SGF29: variants seen among roughly 807,000 people sequenced by gnomAD.
SGF29 encodes the protein SAGA complex associated factor 29.
A neutral mutation model predicts 38.1 loss-of-function variants in SGF29; 15 were observed. The observed-to-expected ratio is 0.39, with a 90% CI of 0.26 to 0.61. The LOEUF is 0.61. Ranked by LOEUF, SGF29 falls within the 20% of genes least tolerant of loss-of-function variation. The probability of loss-of-function intolerance (pLI) is 0.49; values close to 1 mark genes in which losing one functional copy is unlikely to be tolerated. For missense variants in SGF29, 184 were observed against 394.6 expected (o/e 0.47, Z 4.52); for synonymous variants, 151 against 160.8 (o/e 0.94, Z 0.46).
intron 4 of SGF29, 98 bp downstream of exon 4, chr16:28,585,818 T>G (rs899641355): frequency 1.8e-6 from 2 of 1,138,216 alleles, no homozygotes; most frequent in Non-Finnish European, 2.7e-6. Context: ...CTTCCTCCCA[T>G]GGATAAGCTG....
intron 1 of SGF29, among the ~76,000 whole-genome samples, chr16:28,578,987 G>C (rs1412263925): frequency 6.6e-6 from 1 of 151,994 alleles, no homozygotes; most frequent in African/African-American, 2.4e-5. Context: ...GGGTCTTGCT[G>C]TATTGTCCAG....
At chr16:28,579,614 T>C (rs2046914008) in intron 1 of SGF29, among the ~76,000 whole-genome samples, 1 of 151,884 alleles carries the variant, frequency 6.6e-6, no homozygotes, top group African/African-American at 2.4e-5. Flanking sequence ...TTCATCTTGA[T>C]TGAGATATTT....
At position 28,577,019 on chromosome 16, in the gene SGF29, C is replaced by T. The variant is rs539908053; in HGVS notation, c.-15-4036C>T. ...CGAAACCCCGTCTCTACTAAGAATA[C>T]AGAAATTAGCCGGGCGTGGTGGTGG... is the stretch of plus-strand genomic sequence containing the variant. On this transcript the variant is annotated intron_variant, in intron 1 of 9. Coordinates refer to ENST00000317058, the MANE Select transcript of SGF29 (RefSeq NM_138414.3). Among the ~76,000 whole-genome samples, 3 of 152,014 alleles carry T rather than the reference C, an allele frequency of 2.0e-5. No homozygotes were observed. In the South Asian group the frequency reaches 6.2e-4, roughly 32 times the overall value.
intron 4 of SGF29, 44 bp from the exon 5 acceptor site, chr16:28,589,056 T>C (rs764278767): frequency 2.5e-6 from 4 of 1,606,168 alleles, no homozygotes; most frequent in South Asian, 2.2e-5. Context: ...GTCTATGCTA[T>C]GTACGTTAAC....
At chr16:28,560,480 T>G (rs182104673) in intron 1 of SGF29, among the ~76,000 whole-genome samples, 81 of 148,896 alleles carry the variant, frequency 5.4e-4, no homozygotes, top group African/African-American at 2.0e-3. Flanking sequence ...TCCCAGCTAC[T>G]CAGGAAGCTG....
At chr16:28,589,027 C>A in intron 4 of SGF29, 73 bp from the exon 5 acceptor site, 1 of 1,560,486 alleles carries the variant, frequency 6.4e-7, no homozygotes, top group Non-Finnish European at 8.8e-7. Context: ...TGACCCAAAA[C>A]AGAAAAAATG....
At chr16:28,584,788 CAAAAAAA>C in intron 2 of SGF29, 118 bp from the exon 3 acceptor site, 22 of 415,922 alleles carry the variant, frequency 5.3e-5, no homozygotes, top group Non-Finnish European at 7.3e-5. Flanking sequence ...GACTCCATCT[CAAAAAAA>C]AAAAAAAAAA....
At chr16:28,570,745 T>G (rs910578468) in intron 1 of SGF29, among the ~76,000 whole-genome samples, 9 of 151,712 alleles carry the variant, frequency 5.9e-5, no homozygotes, top group Admixed American at 5.9e-4. Flanking sequence ...GCCCAGCTAA[T>G]TTTTGTATTT....
rs1325012296 is a variant in SGF29, at chr16:28,564,616, C to CAT, written c.-16+10524_-16+10525dup. Among the ~76,000 whole-genome samples, 102 of 108,294 alleles carry CAT rather than the reference C, an allele frequency of 9.4e-4. 2 individuals are homozygous for CAT. Among genetic ancestry groups the CAT allele is most frequent in the African/African-American group, 2.5e-3 (70 of 27,564 alleles). The allele number at this position is 108,294 out of a possible 152,430, so 71.0% of individuals were successfully genotyped here. ...ACACACATATATGTGTATATATATACATATATGCATATATATACGTATATA... is the reference window on the plus strand; with the variant it reads ...ACACACATATATGTGTATATATATACATATATATGCATATATATACGTATATA... On this transcript the variant is annotated intron_variant, in intron 1 of 9. Transcript: ENST00000317058.
chr16:28,573,298 G>A (rs1026630849), intron 1 of SGF29, among the ~76,000 whole-genome samples: 8 of 152,166 alleles, frequency 5.3e-5, no homozygotes, highest in Non-Finnish European at 1.0e-4. Context: ...TGCCAGGAGG[G>A]AGGCCCTGAA....
At chr16:28,557,980 T>G (rs1330377267) in intron 1 of SGF29, among the ~76,000 whole-genome samples, 3 of 146,740 alleles carry the variant, frequency 2.0e-5, no homozygotes, top group Non-Finnish European at 4.5e-5. Context: ...TTTTTTTTTT[T>G]TTTTTTTTTT....
chr16:28,568,032 G>T (rs565593473), intron 1 of SGF29, among the ~76,000 whole-genome samples: 1 of 152,068 alleles, frequency 6.6e-6, no homozygotes, highest in South Asian at 2.1e-4. Context: ...TTTGACAGGG[G>T]CCAGGTGTGT....
intron 2 of SGF29, among the ~76,000 whole-genome samples, chr16:28,581,404 G>A (rs1359895573): frequency 6.6e-6 from 1 of 152,148 alleles, no homozygotes; most frequent in African/African-American, 2.4e-5. Context: ...CATTTAAAGT[G>A]TATAATCCAG....
intron 1 of SGF29, among the ~76,000 whole-genome samples, chr16:28,554,423 C>G (rs2046733497): frequency 6.6e-6 from 1 of 152,262 alleles, no homozygotes; most frequent in Admixed American, 6.5e-5. Context: ...ACCCGGGTCA[C>G]GAAGATGCGG....
Position 28,581,100 on chromosome 16 carries a change from G to T in SGF29, c.31G>T (p.Ala11Ser). 6.2e-7 allele frequency: 1 copy of T among 1,614,022 alleles called. No homozygotes were observed. Among genetic ancestry groups the T allele is most frequent in the South Asian group, 1.1e-5 (1 of 91,054 alleles). ...CCTCGTGTCTGCCGATTCCCGCATT[G>T]CAGAACTTCTCACAGAGCTCCATCA... Reference protein sequence around the residue: MALVSADSRIAELLTELHQLI... With the variant: MALVSADSRISELLTELHQLI... Residue 11 changes from alanine (A) to serine (S), a missense_variant, in exon 2 of 10, where the codon GCA becomes TCA. Physicochemically the swap from Ala to Ser is moderately conservative, Grantham distance 99. Coordinates refer to ENST00000317058, the MANE Select transcript of SGF29 (RefSeq NM_138414.3).
In SGF29 at chr16:28,585,383, G is replaced by A. The variant is rs535852887; in HGVS notation, c.152-265G>A. 5.5e-5 allele frequency: 31 copies of A among 565,388 alleles called. No individual in the cohort carries two copies. The East Asian group carries it at 8.8e-4, about 16-fold the overall frequency. The allele number at this position is 565,388 out of a possible 1,614,324, so 35.0% of individuals were successfully genotyped here. On this transcript the variant is annotated intron_variant, in intron 3 of 9. Transcript: ENST00000317058. ...TGAGAATTGTGTTTTCCTGGGTCCT[G>A]ACAAATATTTTCTGTGAGTGTCATG...
chr16:28,587,422 G>A (rs536348779), intron 4 of SGF29, among the ~76,000 whole-genome samples: 94 of 152,342 alleles, frequency 6.2e-4, no homozygotes, highest in Non-Finnish European at 9.8e-4. Flanking sequence ...CTTTGGCCCC[G>A]TGGCTCTTTC....
At chr16:28,557,422 C>T (rs1199717470) in intron 1 of SGF29, among the ~76,000 whole-genome samples, 1 of 152,220 alleles carries the variant, frequency 6.6e-6, no homozygotes, top group Non-Finnish European at 1.5e-5. Flanking sequence ...CGCTCCTTCC[C>T]ACATGCTTTG....
intron 2 of SGF29, among the ~76,000 whole-genome samples, chr16:28,582,976 C>T (rs1021460876): frequency 8.5e-5 from 13 of 152,266 alleles, no homozygotes; most frequent in Admixed American, 5.9e-4. Flanking sequence ...AGGCAGATTA[C>T]GCATTCCATT....
Sources: gnomAD v4.1 joint callset for allele counts (sites outside exome capture counted in the v4.1 genomes callset) on GRCh38, gnomAD v4.1.1 for gene constraint, MANE v1.5 for transcripts, NCBI Gene and HGNC (gene_info 2026-07-23, HGNC 2026-07-21) for gene names.